The following SLC24A2 variants were observed in gnomAD, a reference collection of about 807,000 sequenced individuals.
The protein encoded by SLC24A2 is sodium/potassium/calcium exchanger 2.
In SLC24A2, 36 loss-of-function variants were observed where a neutral mutation model predicts 62.0. The ratio of observed to expected loss-of-function variants is 0.58; its 90% CI spans 0.44 to 0.77. SLC24A2 has a LOEUF of 0.77. Among genes scored for constraint, SLC24A2 ranks in the 30% least tolerant of loss-of-function variants. The pLI, the probability that SLC24A2 is intolerant of heterozygous loss-of-function variation, is 0.00. For missense variants in SLC24A2, 846 were observed against 817.9 expected, an observed-to-expected ratio of 1.03 and a Z score of -0.42; for synonymous variants, 358 against 294.0, an observed-to-expected ratio of 1.22 and a Z score of -2.23.
intron 2 of SLC24A2, among the ~76,000 whole-genome samples, chr9:19,766,032 T>G (rs571230239): frequency 6.6e-6 from 1 of 152,214 alleles, no homozygotes; most frequent in Non-Finnish European, 1.5e-5. Flanking sequence ...CTTCATGCTT[T>G]ATTTCATTAA....
chr9:20,185,676 A>AAAAAGAAAAG, the SLC24A2 span, among the ~76,000 whole-genome samples: 1 of 151,622 alleles, frequency 6.6e-6, no homozygotes, highest in Non-Finnish European at 1.5e-5. Flanking sequence ...AAAAAAAAAA[A>AAAAAGAAAAG]AAAAGAAAAG....
chr9:19,820,040 TACATATATATATATACA>T, the SLC24A2 span, among the ~76,000 whole-genome samples: 1 of 21,080 alleles, frequency 4.7e-5, no homozygotes, highest in Non-Finnish European at 2.5e-4. Context: ...TATATATATA[TACATATATATATATACA>T]CATATATATA....
the SLC24A2 span, among the ~76,000 whole-genome samples, chr9:19,855,763 T>C: frequency 5.3e-5 from 8 of 152,302 alleles, no homozygotes; most frequent in South Asian, 2.1e-4. Context: ...ATAATGTGTC[T>C]TGGGGTTGAT....
the SLC24A2 span, among the ~76,000 whole-genome samples, chr9:19,995,387 G>C: frequency 1.3e-5 from 2 of 152,090 alleles, no homozygotes; most frequent in Non-Finnish European, 2.9e-5. Flanking sequence ...GGGTGCCTTA[G>C]AATGTCCTGG....
At chr9:19,557,820 T>G (rs199874898) in intron 7 of SLC24A2, among the ~76,000 whole-genome samples, 1 of 151,812 alleles carries the variant, frequency 6.6e-6, no homozygotes, top group Non-Finnish European at 1.5e-5. Flanking sequence ...ATTTCTTTTT[T>G]TTTTTTTTGA....
chr9:19,789,887 T>C (rs571973011), upstream of SLC24A2, among the ~76,000 whole-genome samples: 77 of 152,234 alleles, frequency 5.1e-4, 1 homozygote, highest in Middle Eastern at 3.4e-3. Flanking sequence ...CATCCTTCTG[T>C]TCTCTCCCCC....
intron 2 of SLC24A2, among the ~76,000 whole-genome samples, chr9:19,669,559 G>T (rs1408646665): frequency 6.6e-6 from 1 of 152,228 alleles, no homozygotes; most frequent in Admixed American, 6.5e-5. Flanking sequence ...TGAGCTAAAA[G>T]CAAAGTCTCT....
chr9:20,014,698 A>G, the SLC24A2 span, among the ~76,000 whole-genome samples: 8 of 152,214 alleles, frequency 5.3e-5, no homozygotes, highest in African/African-American at 1.7e-4. Flanking sequence ...ATAGAAGTAG[A>G]GAGGAGAATA....
At chr9:19,546,624 CGTGGGG>C (rs1288653039) in intron 8 of SLC24A2, among the ~76,000 whole-genome samples, 1 of 152,080 alleles carries the variant, frequency 6.6e-6, no homozygotes, top group East Asian at 1.9e-4. Flanking sequence ...TGCTGGACTC[CGTGGGG>C]GTTGGACCCA....
chr9:20,250,431 G>T, the SLC24A2 span, among the ~76,000 whole-genome samples: 1 of 152,142 alleles, frequency 6.6e-6, no homozygotes, highest in Non-Finnish European at 1.5e-5. Flanking sequence ...AATGAGCCCC[G>T]GAGTCTTCTT....
the SLC24A2 span, among the ~76,000 whole-genome samples, chr9:19,976,066 C>A: frequency 1.2e-4 from 19 of 152,058 alleles, no homozygotes; most frequent in African/African-American, 4.6e-4. Context: ...TAACTTTTTG[C>A]GGTAACAGAG....
the SLC24A2 span, among the ~76,000 whole-genome samples, chr9:20,024,976 C>T: frequency 6.6e-6 from 1 of 152,266 alleles, no homozygotes; most frequent in East Asian, 1.9e-4. Context: ...TACCCTCTTC[C>T]CTAGACCACC....
intron 2 of SLC24A2, among the ~76,000 whole-genome samples, chr9:19,663,790 T>C (rs1336129230): frequency 2.0e-5 from 3 of 152,210 alleles, no homozygotes; most frequent in Non-Finnish European, 4.4e-5. Flanking sequence ...CCATGGTTGC[T>C]GCTATCACAG....
At chr9:20,106,025 G>A in the SLC24A2 span, among the ~76,000 whole-genome samples, 2 of 152,146 alleles carry the variant, frequency 1.3e-5, no homozygotes, top group Non-Finnish European at 2.9e-5. Context: ...TATCACCACT[G>A]ATCCCACAGA....
chr9:20,223,076 G>A, the SLC24A2 span, among the ~76,000 whole-genome samples: 1 of 151,994 alleles, frequency 6.6e-6, no homozygotes, highest in African/African-American at 2.4e-5. Context: ...AAAATCAGTA[G>A]TGTTCCTACT....
At chr9:20,188,882 T>C in the SLC24A2 span, among the ~76,000 whole-genome samples, 7 of 152,206 alleles carry the variant, frequency 4.6e-5, no homozygotes, top group African/African-American at 1.7e-4. Context: ...GAAAAATGTG[T>C]GCTGTTTTAA....
the SLC24A2 span, among the ~76,000 whole-genome samples, chr9:19,990,375 G>A: frequency 1.3e-5 from 2 of 152,142 alleles, no homozygotes; most frequent in African/African-American, 4.8e-5. Context: ...ACTTTGGGAG[G>A]CCAAGGTGGG....
the SLC24A2 span, among the ~76,000 whole-genome samples, chr9:19,857,751 T>A: frequency 1.4e-4 from 22 of 152,096 alleles, no homozygotes; most frequent in Non-Finnish European, 2.1e-4. Context: ...AGTAGGTTTT[T>A]TTTTTTTTTG....
intron 4 of SLC24A2, among the ~76,000 whole-genome samples, chr9:19,612,895 T>C (rs758338532): frequency 2.6e-5 from 4 of 152,140 alleles, no homozygotes; most frequent in Admixed American, 6.5e-5. Context: ...TCTTGAATCA[T>C]GTATGGGATC....
Sources: gnomAD v4.1 joint callset for allele counts (sites outside exome capture counted in the v4.1 genomes callset) on GRCh38, gnomAD v4.1.1 for gene constraint, MANE v1.5 for transcripts, NCBI Gene and HGNC (gene_info 2026-07-23, HGNC 2026-07-21) for gene names.